The following PDE3B variants were observed in gnomAD, a reference collection of about 807,000 sequenced individuals.
PDE3B encodes phosphodiesterase 3B, also known as cGMP-inhibited 3',5'-cyclic phosphodiesterase 3B.
In PDE3B, 66 loss-of-function variants were observed where a neutral mutation model predicts 116.8. That is an observed-to-expected ratio of 0.56 (90% CI 0.46 to 0.69). The LOEUF (loss-of-function observed/expected upper bound fraction) is 0.69, where lower values mean the gene tolerates loss of function less well. Among genes scored for constraint, PDE3B ranks in the 30% least tolerant of loss-of-function variants. PDE3B has a pLI of 0.00. For synonymous variants in PDE3B, 595 were observed against 533.6 expected (o/e 1.12, Z -1.59); for missense variants, 1,384 against 1,368.1 (o/e 1.01, Z -0.18).
rs528115389 is a variant in PDE3B at position 14,789,126 on chromosome 11, G to T, written c.1299G>T (p.Leu433Phe). The change falls in exon 4 of 16, where the codon TTG (leucine) becomes TTT (phenylalanine). Residue 433 changes from leucine to phenylalanine, a missense_variant. Physicochemically the swap from Leu to Phe is conservative, Grantham distance 22. Transcript: ENST00000282096. ...KLNKGLNRNSLPTPQLRRSSG... is the reference protein window; with the variant it reads ...KLNKGLNRNSFPTPQLRRSSG... ...AACAGGGACTAAATAGGAATAGTTT[G>T]CCAACTCCACAGCTGAGGAGAAGCT... 45 of 1,609,486 alleles carry T rather than the reference G, an allele frequency of 2.8e-5. 1 individual carries two copies. The South Asian group carries it at 5.0e-4, about 18-fold the overall frequency.
At position 14,818,230 on chromosome 11, in the gene PDE3B, G is replaced by A. The variant is rs767716780; in HGVS notation, c.1570G>A (p.Val524Met). Residue 524 changes from valine (V) to methionine (M), a missense_variant, in exon 6 of 16, where the codon GTG (valine) becomes ATG (methionine). By Grantham distance (21) the Val-to-Met change is conservative. Transcript: ENST00000282096. ...TGTGAATTCTTCCAACCATGGACCA[G>A]TGTCTACTGGCTCTCTAACTAATCG... ...SPVNSSNHGP[V>M]STGSLTNRSP... is the part of the protein sequence containing the mutation. 74 of 1,613,592 alleles carry A rather than the reference G, an allele frequency of 4.6e-5. No individual in the cohort carries two copies. The highest frequency in any genetic ancestry group is 6.1e-5 in the Non-Finnish European group (72 of 1,179,736).
intron 1 of PDE3B, among the ~76,000 whole-genome samples, chr11:14,707,091 T>C (rs1855556391): frequency 6.6e-6 from 1 of 152,000 alleles, no homozygotes; most frequent in East Asian, 1.9e-4. Context: ...AATAACAAGA[T>C]AACTTCAGAT....
chr11:14,654,034 C>A (rs73412603), intron 1 of PDE3B, among the ~76,000 whole-genome samples: 23,159 of 151,670 alleles, frequency 0.15, 2,758 homozygotes, highest in African/African-American at 0.34. Flanking sequence ...CACACACACA[C>A]AAAGTTATAT....
At chr11:14,865,241 C>G (rs1202424351) in intron 14 of PDE3B, among the ~76,000 whole-genome samples, 1 of 152,188 alleles carries the variant, frequency 6.6e-6, no homozygotes, top group African/African-American at 2.4e-5. Flanking sequence ...TTTGCTGAAT[C>G]TGCCATTTTT....
At chr11:14,683,109 T>A (rs1854762353) in intron 1 of PDE3B, among the ~76,000 whole-genome samples, 1 of 152,064 alleles carries the variant, frequency 6.6e-6, no homozygotes, top group South Asian at 2.1e-4. Flanking sequence ...GGCTAATTTT[T>A]TTCTGTTTTT....
chr11:14,674,830 G>A (rs1854483587), intron 1 of PDE3B, among the ~76,000 whole-genome samples: 1 of 152,014 alleles, frequency 6.6e-6, no homozygotes. Context: ...GTTTTTATTT[G>A]TATTTTTATT....
the PDE3B span, among the ~76,000 whole-genome samples, chr11:14,883,164 A>C: frequency 7.6e-4 from 115 of 152,210 alleles, no homozygotes; most frequent in African/African-American, 2.1e-3. Flanking sequence ...GACTTTCTTC[A>C]CAGAATTGGA....
In PDE3B at chr11:14,803,980, T is replaced by G. The variant is rs1411320216; in HGVS notation, c.1452T>G (p.Asn484Lys). ...GCYLNGPFNS[N>K]LLTIPKQRSS... ...ATCTAAATGGGCCTTTTAATTCAAA[T>G]CTACTGACTATCCCGAAGCAAAGGT... The change falls in exon 5 of 16, where the codon AAT becomes AAG. Residue 484 changes from asparagine (N) to lysine (K), a missense_variant. Physicochemically the swap from Asn to Lys is moderately conservative, Grantham distance 94. This residue lies in a region of PDE3B where 956 missense variants were observed against 806.8 expected (regional missense o/e 1.18). Transcript: ENST00000282096. 1 of 1,611,084 alleles carries G rather than the reference T, an allele frequency of 6.2e-7. No homozygotes were observed. Among genetic ancestry groups the G allele is most frequent in the African/African-American group, 1.3e-5 (1 of 75,002 alleles).
At chr11:14,651,752 A>G (rs1853581266) in intron 1 of PDE3B, among the ~76,000 whole-genome samples, 1 of 152,194 alleles carries the variant, frequency 6.6e-6, no homozygotes, top group Non-Finnish European at 1.5e-5. Context: ...AACACACTAT[A>G]TTGAAAAGTT....
intron 14 of PDE3B, among the ~76,000 whole-genome samples, chr11:14,862,210 A>G (rs1329138434): frequency 2.0e-5 from 3 of 152,122 alleles, no homozygotes; most frequent in Non-Finnish European, 4.4e-5. Flanking sequence ...AGCTTAACCT[A>G]TCACCTGATG....
rs779515973 is a variant in PDE3B, at chr11:14,831,690, A to T, written c.2007A>T (p.Ser669=). 4 of 1,599,226 alleles carry T rather than the reference A, an allele frequency of 2.5e-6. No homozygotes were observed. The Admixed American group carries it at 6.7e-5, about 27-fold the overall frequency. Residue 669 remains serine, a synonymous_variant, in exon 9 of 16, where the codon TCA becomes TCT. Coordinates refer to ENST00000282096, the MANE Select transcript of PDE3B (RefSeq NM_000922.4). ...LDLILVEEYD[S]LIEKMSNWNF... is the part of the protein sequence containing the mutation. ...TGATTTTAGTAGAAGAGTATGACTC[A>T]TTAATAGAAAAGATGAGCAACTGGA...
chr11:14,837,578 A>G (rs1365226624), intron 11 of PDE3B, among the ~76,000 whole-genome samples: 1 of 152,160 alleles, frequency 6.6e-6, no homozygotes, highest in Non-Finnish European at 1.5e-5. Context: ...CTGAGCATTC[A>G]TTGGCAATGA....
chr11:14,820,182 C>A, intron 7 of PDE3B, among the ~76,000 whole-genome samples: 1 of 150,546 alleles, frequency 6.6e-6, no homozygotes, highest in East Asian at 1.9e-4. Flanking sequence ...ACTAATTCTT[C>A]ACAAACTCTT....
At chr11:14,813,652 CAT>C (rs1478631682) in intron 5 of PDE3B, among the ~76,000 whole-genome samples, 1 of 152,196 alleles carries the variant, frequency 6.6e-6, no homozygotes, top group African/African-American at 2.4e-5. Flanking sequence ...TGCAATCTAA[CAT>C]ATAGGTTCTG....
intron 12 of PDE3B, among the ~76,000 whole-genome samples, chr11:14,851,320 C>G (rs1352370595): frequency 6.6e-6 from 1 of 151,956 alleles, no homozygotes; most frequent in Non-Finnish European, 1.5e-5. Context: ...ATGTTTAAAC[C>G]TTGGCTCTGA....
chr11:14,739,654 T>C (rs10832298), intron 1 of PDE3B, among the ~76,000 whole-genome samples: 97,272 of 152,022 alleles, frequency 0.64, 31,251 homozygotes, highest in Middle Eastern at 0.7. Flanking sequence ...CTAGGAGTGC[T>C]GAGAGAGGGC....
chr11:14,680,802 AT>A (rs1565089169), intron 1 of PDE3B, among the ~76,000 whole-genome samples: 1 of 151,440 alleles, frequency 6.6e-6, no homozygotes, highest in African/African-American at 2.4e-5. Flanking sequence ...AGGAATGGAC[AT>A]TTTTTACTGT....
chr11:14,890,983 TTCTC>T, the PDE3B span: 1 of 985,432 alleles, frequency 1.0e-6, no homozygotes, highest in Non-Finnish European at 1.2e-6. Context: ...GAGATTAGTT[TTCTC>T]TCTCCCACTC....
chr11:14,835,237 A>G (rs1390690803), intron 11 of PDE3B, 142 bp downstream of exon 11: 4 of 534,770 alleles, frequency 7.5e-6, no homozygotes, highest in Non-Finnish European at 1.3e-5. Context: ...TTTTTTAACC[A>G]CTTATCCCCA....
Sources: gnomAD v4.1 joint callset for allele counts (sites outside exome capture counted in the v4.1 genomes callset) on GRCh38, gnomAD v4.1.1 for gene constraint, gnomAD v4.1.1 regional missense constraint, MANE v1.5 for transcripts, NCBI Gene and HGNC (gene_info 2026-07-23, HGNC 2026-07-21) for gene names.